RIPOR2: variants seen among roughly 807,000 people sequenced by gnomAD.
The protein encoded by RIPOR2 is rho family-interacting cell polarization regulator 2.
A neutral mutation model predicts 114.5 loss-of-function variants in RIPOR2; 39 were observed. That is an observed-to-expected ratio of 0.34 (90% confidence interval 0.26 to 0.44). The LOEUF (loss-of-function observed/expected upper bound fraction) is 0.44. RIPOR2 is among the 20% of genes least tolerant of loss of function. The probability of loss-of-function intolerance (pLI) is 1.00; values close to 1 mark genes in which losing one functional copy is unlikely to be tolerated. For missense variants in RIPOR2, 1,007 were observed against 1,255.1 expected (o/e 0.80, Z 2.99); for synonymous variants, 445 against 484.4 (o/e 0.92, Z 1.07).
Position 24,935,907 on chromosome 6 carries a change from G to A in RIPOR2, c.-9C>T. 2.6e-6 allele frequency: 4 copies of A among 1,534,000 alleles called. No individual in the cohort carries two copies. Among genetic ancestry groups the A allele is most frequent in the Non-Finnish European group, 3.5e-6 (4 of 1,145,442 alleles). The stretch of plus-strand genomic sequence containing the variant: ...GCATCAAAAAACTGCATCTTGGAGA[G>A]GACAGGCGCGAGAAGCAGCAGGCAG... On this transcript the variant is annotated 5_prime_UTR_variant, in exon 1 of 22. Coordinates refer to ENST00000643898, the MANE Select transcript of RIPOR2 (RefSeq NM_001286445.3).
At chr6:24,970,548 C>T (rs1055181861) in intron 1 of RIPOR2, among the ~76,000 whole-genome samples, 5 of 152,168 alleles carry the variant, frequency 3.3e-5, no homozygotes, top group Admixed American at 2.6e-4. Flanking sequence ...CCCGAGAATA[C>T]GGTGAACTAA....
At chr6:25,035,084 G>A (rs2113768717) in intron 1 of RIPOR2, among the ~76,000 whole-genome samples, 1 of 152,256 alleles carries the variant, frequency 6.6e-6, no homozygotes, top group East Asian at 1.9e-4. Context: ...AAACACTAGG[G>A]TCCCTAAAAC....
At chr6:25,035,866 T>G (rs1185319140) in intron 1 of RIPOR2, among the ~76,000 whole-genome samples, 1 of 152,190 alleles carries the variant, frequency 6.6e-6, no homozygotes, top group Non-Finnish European at 1.5e-5. Flanking sequence ...AGATCTTGCC[T>G]TCAGGTTCTC....
At chr6:24,947,992 T>C (rs1463231686) in intron 1 of RIPOR2, 3 of 152,146 alleles carry the variant, frequency 2.0e-5, no homozygotes, top group Non-Finnish European at 4.4e-5. Context: ...ATTTTCCTAA[T>C]ACTCACCAAA....
chr6:24,898,447 T>C (rs562251483), intron 1 of RIPOR2: 1 of 152,334 alleles, frequency 6.6e-6, no homozygotes, highest in Non-Finnish European at 1.5e-5. Flanking sequence ...GCAAGTAAAG[T>C]TGCCTTAGAT....
At chr6:24,868,934 C>T (rs760525847) in intron 6 of RIPOR2, among the ~76,000 whole-genome samples, 160 bp downstream of exon 6, 25 of 152,158 alleles carry the variant, frequency 1.6e-4, no homozygotes, top group Non-Finnish European at 3.1e-4. Flanking sequence ...CTTATTGTTC[C>T]TCCATCTTTA....
At chr6:24,825,932 T>TTTC (rs1480283014) in intron 18 of RIPOR2, among the ~76,000 whole-genome samples, 1 of 148,750 alleles carries the variant, frequency 6.7e-6, no homozygotes, top group African/African-American at 2.5e-5. Context: ...TCTCTTTTTT[T>TTTC]TTTTTTTTTT....
At chr6:24,983,094 AT>A (rs1241366310) in intron 1 of RIPOR2, among the ~76,000 whole-genome samples, 1 of 151,988 alleles carries the variant, frequency 6.6e-6, no homozygotes. Context: ...GGGGACTAGA[AT>A]CTATGCTCCT....
chr6:25,033,136 C>G (rs140488303), intron 1 of RIPOR2, among the ~76,000 whole-genome samples: 8 of 151,558 alleles, frequency 5.3e-5, no homozygotes. Context: ...CCCAGGGGTT[C>G]GAGGCTGCAG....
chr6:24,841,027 G>A (rs896056736), intron 13 of RIPOR2, among the ~76,000 whole-genome samples: 2 of 152,168 alleles, frequency 1.3e-5, no homozygotes, highest in Non-Finnish European at 2.9e-5. Flanking sequence ...AAAGAAAGGG[G>A]CAGTTGAGGA....
In RIPOR2 at chr6:24,842,955, A is replaced by G. The variant is rs145837095; in HGVS notation, c.1764T>C (p.Asn588=). ...GTGGTTCTAATGCAAGTAAAAGCCC[A>G]TTAAAAGCATCCTCTAAGCTTCCAT... ...FLDGSLEDAF[N]GLLLALEPHK... The change falls in exon 13 of 22, where the codon AAT becomes AAC. Residue 588 remains asparagine, a synonymous_variant. Transcript: ENST00000643898. The G allele has an allele frequency of 4.6e-3, 7,010 of 1,530,994 alleles. 22 individuals are homozygous for G. The highest frequency in any genetic ancestry group is 7.1e-3 in the Middle Eastern group (40 of 5,650). The allele number at this position is 1,530,994 out of a possible 1,614,324, so 94.8% of individuals were successfully genotyped here. A position where few individuals can be genotyped will look rare whatever the true frequency, so the allele number is the denominator to read the frequency against.
intron 1 of RIPOR2, among the ~76,000 whole-genome samples, chr6:24,881,009 C>T (rs982291535): frequency 7.9e-5 from 12 of 152,044 alleles, no homozygotes; most frequent in Non-Finnish European, 1.8e-4. Context: ...TTTGGGAGGC[C>T]GAGGCGGGTG....
intron 1 of RIPOR2, chr6:24,976,395 G>A (rs1026489396): frequency 7.6e-6 from 11 of 1,446,252 alleles, no homozygotes; most frequent in African/African-American, 4.3e-5. Context: ...CGCCGCCGCC[G>A]AGGAAAACCG....
chr6:24,804,344 A>T lies in RIPOR2; in HGVS notation c.*2029T>A, dbSNP rs1436094299. ...ACATGACTGAAAGATCAATGAATAC[A>T]AATGCCACACAACTAAAAGCACCCC... On this transcript the variant is annotated 3_prime_UTR_variant, in exon 22 of 22. Transcript: ENST00000643898. 1.3e-5 allele frequency: 2 copies of T among 151,362 alleles called. No individual in the cohort carries two copies. Among genetic ancestry groups the T allele is most frequent in the Admixed American group, 1.3e-4 (2 of 15,092 alleles). The allele number at this position is 151,362 out of a possible 1,614,324, so 9.4% of individuals were successfully genotyped here.
chr6:24,944,287 G>A (rs775718500), intron 1 of RIPOR2, among the ~76,000 whole-genome samples: 20 of 152,160 alleles, frequency 1.3e-4, no homozygotes, highest in Non-Finnish European at 2.8e-4. Context: ...GTCCTAGTGT[G>A]CATATAGAAC....
At chr6:24,917,860 C>T (rs1474097244) in intron 1 of RIPOR2, among the ~76,000 whole-genome samples, 1 of 152,172 alleles carries the variant, frequency 6.6e-6, no homozygotes, top group Non-Finnish European at 1.5e-5. Flanking sequence ...TCTAAGTTGA[C>T]TTTCACTTCA....
At chr6:24,875,416 A>T (rs1053986874) in intron 2 of RIPOR2, among the ~76,000 whole-genome samples, 5 of 152,350 alleles carry the variant, frequency 3.3e-5, no homozygotes, top group African/African-American at 1.2e-4. Context: ...AATGTGCTTC[A>T]AAAAGGGGTG....
chr6:25,004,986 T>TACACACACAC (rs58120451), intron 1 of RIPOR2, among the ~76,000 whole-genome samples: 2 of 146,432 alleles, frequency 1.4e-5, no homozygotes, highest in Non-Finnish European at 3.0e-5. Context: ...TCAAATAGGC[T>TACACACACAC]ACACACACAC....
At chr6:24,940,505 C>A (rs1355360101), upstream of RIPOR2, among the ~76,000 whole-genome samples, 1 of 151,836 alleles carries the variant, frequency 6.6e-6, no homozygotes, top group Non-Finnish European at 1.5e-5. Context: ...TGGTAGGAAT[C>A]AGAAAAGAAA....
Sources: gnomAD v4.1 joint callset for allele counts (sites outside exome capture counted in the v4.1 genomes callset) on GRCh38, gnomAD v4.1.1 for gene constraint, MANE v1.5 for transcripts, NCBI Gene and HGNC (gene_info 2026-07-23, HGNC 2026-07-21) for gene names.